The following VPS41 variants were observed in gnomAD, a reference collection of about 807,000 sequenced individuals.
VPS41 encodes the protein VPS41 subunit of HOPS complex, also known as vacuolar protein sorting-associated protein 41 homolog.
Under a neutral mutation model 130.9 loss-of-function variants are expected in VPS41, and 85 were observed. The ratio of observed to expected loss-of-function variants is 0.65; its 90% CI spans 0.55 to 0.78. The LOEUF (loss-of-function observed/expected upper bound fraction) is 0.78. VPS41 is among the 30% of genes least tolerant of loss of function. The pLI is 0.00. For missense variants in VPS41, 874 were observed against 1,018.7 expected, an observed-to-expected ratio of 0.86 and a Z score of 1.93; for synonymous variants, 335 against 332.9, an observed-to-expected ratio of 1.01 and a Z score of -0.07.
At chr7:38,775,321 G>A (rs933114993) in intron 11 of VPS41, 3 of 152,162 alleles carry the variant, frequency 2.0e-5, no homozygotes, top group Admixed American at 6.5e-5. Context: ...CAAAACCCTC[G>A]CTTCTTCTTC....
chr7:38,774,901 A>G (rs1313946324), intron 11 of VPS41, among the ~76,000 whole-genome samples: 1 of 152,116 alleles, frequency 6.6e-6, no homozygotes, highest in African/African-American at 2.4e-5. Context: ...TTAATAAATT[A>G]AAGTGTACCA....
intron 2 of VPS41, among the ~76,000 whole-genome samples, chr7:38,877,149 T>C (rs926147782): frequency 6.6e-6 from 1 of 152,182 alleles, no homozygotes; most frequent in African/African-American, 2.4e-5. Context: ...AACAGAACTG[T>C]GGGTACCTAA....
chr7:38,752,624 A>G (rs1783700734), intron 21 of VPS41, among the ~76,000 whole-genome samples: 1 of 152,204 alleles, frequency 6.6e-6, no homozygotes, highest in South Asian at 2.1e-4. Context: ...TGACAATTAA[A>G]CGAGTTGCCA....
chr7:38,807,198 A>C (rs1784856145), intron 7 of VPS41, among the ~76,000 whole-genome samples: 3 of 152,168 alleles, frequency 2.0e-5, no homozygotes, highest in Non-Finnish European at 1.5e-5. Context: ...AAACCTCCCC[A>C]AAATCACCTC....
intron 7 of VPS41, among the ~76,000 whole-genome samples, chr7:38,815,473 G>C (rs989334826): frequency 6.6e-6 from 1 of 152,114 alleles, no homozygotes; most frequent in African/African-American, 2.4e-5. Flanking sequence ...TTTTTAATAA[G>C]AACACCTGGG....
rs756818477 is a variant in VPS41 at position 38,767,631 on chromosome 7, T to G, written c.1186-33A>C. ...AAGCCAAATGAAGAAATGTCAAAATTTAACTGAAACAACTGAAAAGTTGAG... is the reference window on the plus strand; with the variant it reads ...AAGCCAAATGAAGAAATGTCAAAATGTAACTGAAACAACTGAAAAGTTGAG... On this transcript the variant is annotated intron_variant, in intron 14 of 28. Coordinates refer to ENST00000310301, the MANE Select transcript of VPS41 (RefSeq NM_014396.4). 3.9e-6 allele frequency: 6 copies of G among 1,556,020 alleles called. No individual in the cohort carries two copies. In the South Asian group the frequency reaches 6.7e-5, roughly 17 times the overall value.
rs1447872965 is a variant in VPS41 at position 38,793,672 on chromosome 7, G to A, written c.717+1793C>T. 3.3e-5 allele frequency among the ~76,000 whole-genome samples: 5 copies of A among 151,988 alleles called. No individual in the cohort carries two copies. In the East Asian group the frequency reaches 7.7e-4, roughly 23 times the overall value. On this transcript the variant is annotated intron_variant, in intron 9 of 28. Transcript: ENST00000310301. ...TACAAGTCTGAAATTGGGTTCACTG[G>A]GCTAAAATCAAGGTGTTGGCAAGGC...
intron 15 of VPS41, among the ~76,000 whole-genome samples, chr7:38,766,019 T>C (rs1009591560): frequency 1.3e-5 from 2 of 152,204 alleles, no homozygotes; most frequent in African/African-American, 4.8e-5. Context: ...TGAAGAAAAC[T>C]TGTCATACCC....
chr7:38,741,327 C>T (rs771317346), intron 25 of VPS41: 1 of 349,406 alleles, frequency 2.9e-6, no homozygotes, highest in Admixed American at 4.4e-5. Flanking sequence ...ATAGAAGTTA[C>T]CAGCATCCTG....
At chr7:38,900,727 G>C (rs1302759719) in intron 1 of VPS41, among the ~76,000 whole-genome samples, 1 of 152,172 alleles carries the variant, frequency 6.6e-6, no homozygotes, top group Non-Finnish European at 1.5e-5. Context: ...CTATGGAATT[G>C]ATGGAGAACA....
At chr7:38,729,347 G>A (rs914836184) in intron 25 of VPS41, among the ~76,000 whole-genome samples, 1 of 152,062 alleles carries the variant, frequency 6.6e-6, no homozygotes, top group African/African-American at 2.4e-5. Context: ...ATCCCCTTGA[G>A]GATGCAACCT....
intron 2 of VPS41, among the ~76,000 whole-genome samples, chr7:38,888,541 C>A (rs534085052): frequency 6.6e-6 from 1 of 152,202 alleles, no homozygotes; most frequent in East Asian, 1.9e-4. Flanking sequence ...TCTTAGAGAC[C>A]TACAAAGAGA....
intron 5 of VPS41, among the ~76,000 whole-genome samples, chr7:38,825,133 C>T (rs545631601): frequency 6.6e-6 from 1 of 152,328 alleles, no homozygotes; most frequent in African/African-American, 2.4e-5. Context: ...GCAAAAATGT[C>T]ACTGTCATAC....
chr7:38,852,885 C>T (rs1032170551), intron 4 of VPS41, among the ~76,000 whole-genome samples: 7 of 152,154 alleles, frequency 4.6e-5, no homozygotes, highest in South Asian at 4.1e-4. Flanking sequence ...ATTTAGTTCC[C>T]TAAATACTCT....
In VPS41 at chr7:38,763,474, A is replaced by T; in HGVS notation, c.1403T>A (p.Phe468Tyr). The T allele has an allele frequency of 6.2e-7, 1 of 1,605,970 alleles. No individual in the cohort carries two copies. Among genetic ancestry groups the T allele is most frequent in the Non-Finnish European group, 8.5e-7 (1 of 1,176,922 alleles). The change falls in exon 17 of 29, where the codon TTT becomes TAT. Residue 468 changes from phenylalanine (F) to tyrosine (Y), a missense_variant. By Grantham distance (22) the Phe-to-Tyr change is conservative. Transcript: ENST00000310301. ...CCATACCTCATAATCACTCTCCAAA[A>T]ATTCATGTAAGATCATTTCATAGAT... is the stretch of plus-strand genomic sequence containing the variant. ...PLIYEMILHE[F>Y]LESDYEGFAT...
chr7:38,842,597 G>A (rs1785631218), intron 4 of VPS41, among the ~76,000 whole-genome samples: 1 of 152,138 alleles, frequency 6.6e-6, no homozygotes, highest in South Asian at 2.1e-4. Context: ...TATCTCTTCA[G>A]GCTCATTTCC....
intron 10 of VPS41, among the ~76,000 whole-genome samples, chr7:38,777,754 CTT>C (rs1432219553): frequency 6.6e-6 from 1 of 152,234 alleles, no homozygotes; most frequent in Non-Finnish European, 1.5e-5. Flanking sequence ...CTTCCACACT[CTT>C]TTCCCAATGA....
At chr7:38,850,100 C>T (rs1205814725) in intron 4 of VPS41, among the ~76,000 whole-genome samples, 1 of 152,234 alleles carries the variant, frequency 6.6e-6, no homozygotes, top group Non-Finnish European at 1.5e-5. Context: ...AGACATTTGT[C>T]ACTCTTCAAA....
chr7:38,784,326 C>T (rs944752133), intron 10 of VPS41, among the ~76,000 whole-genome samples: 2 of 152,204 alleles, frequency 1.3e-5, no homozygotes, highest in African/African-American at 4.8e-5. Flanking sequence ...TTTTTCCCAA[C>T]CATAAGTCAC....
Sources: gnomAD v4.1 joint callset for allele counts (sites outside exome capture counted in the v4.1 genomes callset) on GRCh38, gnomAD v4.1.1 for gene constraint, MANE v1.5 for transcripts, NCBI Gene and HGNC (gene_info 2026-07-23, HGNC 2026-07-21) for gene names.